The following UBE2U variants were observed in gnomAD, a reference collection of about 807,000 sequenced individuals.
UBE2U encodes ubiquitin-conjugating enzyme E2 U.
A neutral mutation model predicts 41.2 loss-of-function variants in UBE2U; 39 were observed. The ratio of observed to expected loss-of-function variants is 0.95; its 90% CI spans 0.73 to 1.24. UBE2U has a LOEUF of 1.24. Ranked by LOEUF, UBE2U falls within the 50% of genes most tolerant of loss-of-function variation. The pLI, the probability that UBE2U is intolerant of heterozygous loss-of-function variation, is 0.00. For synonymous variants in UBE2U, 107 were observed against 117.8 expected (o/e 0.91, Z 0.60); for missense variants, 336 against 363.1 (o/e 0.93, Z 0.61).
rs1651615420 is a variant in UBE2U at position 64,210,773 on chromosome 1, CT to C, written c.278del (p.Leu93TrpfsTer13). 4 of 1,604,580 alleles carry C rather than the reference CT, an allele frequency of 2.5e-6. No homozygotes were observed. Among genetic ancestry groups the C allele is most frequent in the African/African-American group, 1.3e-5 (1 of 74,644 alleles). ...CACACACTGGTCAGCCCTGTATAGA[CT>C]TTTTGGACAACCCTGAGAAGTGGAA... ...DPHTGQPCID[F>X]LDNPEKWNTN... On this transcript the variant is annotated frameshift_variant, in exon 4 of 10. Coordinates refer to ENST00000371077, the MANE Select transcript of UBE2U (RefSeq NM_001366232.2). LOFTEE classifies it high-confidence loss of function.
At chr1:64,225,641 G>A (rs980759834) in intron 6 of UBE2U, among the ~76,000 whole-genome samples, 1 of 152,322 alleles carries the variant, frequency 6.6e-6, no homozygotes, top group Non-Finnish European at 1.5e-5. Context: ...ATGGTGGTTC[G>A]GTCAAGGGTT....
intron 7 of UBE2U, among the ~76,000 whole-genome samples, chr1:64,239,998 T>C (rs938184502): frequency 1.3e-5 from 2 of 152,206 alleles, no homozygotes; most frequent in African/African-American, 4.8e-5. Flanking sequence ...AGTGTAAAAG[T>C]GTTCCTATTT....
At position 64,216,078 on chromosome 1, in the gene UBE2U, C is replaced by T. The variant is rs572719418; in HGVS notation, c.457+1146C>T. On this transcript the variant is annotated intron_variant, in intron 5 of 9. Coordinates refer to ENST00000371077, the MANE Select transcript of UBE2U (RefSeq NM_001366232.2). ...CTTTTTCTGTTTCCCTTCCAGGACT[C>T]CCAGTCCATTAGCTAGGTCTGTATA... is the stretch of plus-strand genomic sequence containing the variant. Among the ~76,000 whole-genome samples the T allele has an allele frequency of 9.8e-5, 15 of 152,324 alleles. 1 individual carries two copies. In the South Asian group the frequency reaches 3.1e-3, roughly 32 times the overall value.
At chr1:64,224,921 T>C (rs1334448040) in intron 6 of UBE2U, among the ~76,000 whole-genome samples, 1 of 142,022 alleles carries the variant, frequency 7.0e-6, no homozygotes, top group African/African-American at 2.8e-5. Context: ...TATAAAATAC[T>C]GTATAGGATA....
intron 2 of UBE2U, among the ~76,000 whole-genome samples, chr1:64,206,526 G>A (rs144964999): frequency 2.0e-5 from 3 of 151,564 alleles, no homozygotes; most frequent in African/African-American, 4.8e-5. Flanking sequence ...GGATGTTAGG[G>A]CGACAAAGGT....
intron 8 of UBE2U, among the ~76,000 whole-genome samples, chr1:64,243,122 A>G (rs1209894351): frequency 6.6e-6 from 1 of 152,184 alleles, no homozygotes; most frequent in Non-Finnish European, 1.5e-5. Flanking sequence ...TTACAGGTCA[A>G]ATTATCATGT....
rs1180767299 is a variant in UBE2U, at chr1:64,233,663, A to G, written c.595+1014A>G. ...CAATTATATCAATCTAAAAGGAAAA[A>G]TCATCTGTTACCATCATACATCAGG... On this transcript the variant is annotated intron_variant, in intron 7 of 9. Coordinates refer to ENST00000371077, the MANE Select transcript of UBE2U (RefSeq NM_001366232.2). Among the ~76,000 whole-genome samples the G allele has an allele frequency of 2.6e-5, 4 of 152,218 alleles. No homozygotes were observed. In the East Asian group the frequency reaches 7.7e-4, roughly 29 times the overall value.
intron 7 of UBE2U, among the ~76,000 whole-genome samples, chr1:64,238,568 C>T (rs939266790): frequency 2.0e-5 from 3 of 151,974 alleles, no homozygotes; most frequent in Admixed American, 2.0e-4. Context: ...GTATTAATAA[C>T]GTCTGTAAGA....
rs757844759 is a variant in UBE2U, at chr1:64,232,560, G to T, written c.507-1G>T. ...CGTCTGATTTTTATTTATATTTTCA[G>T]ACCAATTAAAACAACCTCATTTAGT... On this transcript the variant is annotated splice_acceptor_variant, in intron 6 of 9. Transcript: ENST00000371077. LOFTEE classifies it high-confidence loss of function. 1.3e-5 allele frequency: 21 copies of T among 1,607,912 alleles called. No individual in the cohort carries two copies. The South Asian group carries it at 2.3e-4, about 18-fold the overall frequency.
rs1399835129 is a variant in UBE2U at position 64,239,074 on chromosome 1, G to GGAA, written c.596-2575_596-2573dup. Among the ~76,000 whole-genome samples the GGAA allele has an allele frequency of 1.9e-3, 120 of 62,748 alleles. 2 individuals carry two copies. The East Asian group carries it at 0.032, about 17-fold the overall frequency. 41.2% of individuals were successfully genotyped at this position (62,748 alleles called of 152,430 possible). A position where few individuals can be genotyped will look rare whatever the true frequency, so the allele number is the denominator to read the frequency against. ...AAGAAGAAGAAGAAGAAGAGGAAGA[G>GGAA]GAAGAGGAAGAGGAAGAGGAAGAAG... On this transcript the variant is annotated intron_variant, in intron 7 of 9. Transcript: ENST00000371077.
At chr1:64,220,010 G>A (rs1157317911) in intron 5 of UBE2U, among the ~76,000 whole-genome samples, 1 of 151,866 alleles carries the variant, frequency 6.6e-6, no homozygotes, top group South Asian at 2.1e-4. Context: ...CTCTTTTTTT[G>A]TGGTTAGGAT....
At chr1:64,212,557 T>G (rs903817421) in intron 4 of UBE2U, among the ~76,000 whole-genome samples, 1 of 152,178 alleles carries the variant, frequency 6.6e-6, no homozygotes, top group Non-Finnish European at 1.5e-5. Context: ...TGTAAAGAAT[T>G]CGGAACTGTG....
At chr1:64,214,634 G>A (rs1034373758) in intron 4 of UBE2U, among the ~76,000 whole-genome samples, 181 bp from the exon 5 acceptor site, 1 of 152,128 alleles carries the variant, frequency 6.6e-6, no homozygotes, top group Non-Finnish European at 1.5e-5. Context: ...ACATTCATGA[G>A]CCTAAGGTTA....
At position 64,232,651 on chromosome 1, in the gene UBE2U, T is replaced by A. The variant is rs1245571448; in HGVS notation, c.595+2T>A. On this transcript the variant is annotated splice_donor_variant, in intron 7 of 9. Transcript: ENST00000371077. LOFTEE classifies it high-confidence loss of function. ...CCACAGAATACTACAGAACTCCATG[T>A]AAGGTGAACTATCCTTATCCTATGT... is the stretch of plus-strand genomic sequence containing the variant. 1 of 1,606,690 alleles carries A rather than the reference T, an allele frequency of 6.2e-7. No homozygotes were observed. The highest frequency in any genetic ancestry group is 2.2e-5 in the East Asian group (1 of 44,712).
intron 8 of UBE2U, among the ~76,000 whole-genome samples, chr1:64,251,987 T>C (rs775151881): frequency 6.6e-6 from 1 of 152,166 alleles, no homozygotes; most frequent in Non-Finnish European, 1.5e-5. Flanking sequence ...CTGAGTCTGC[T>C]TAAGACAGAA....
At chr1:64,228,552 G>C (rs1432644033) in intron 6 of UBE2U, among the ~76,000 whole-genome samples, 1 of 152,092 alleles carries the variant, frequency 6.6e-6, no homozygotes, top group Non-Finnish European at 1.5e-5. Context: ...TGTGGGGATG[G>C]ATAACAGAAG....
intron 8 of UBE2U, among the ~76,000 whole-genome samples, chr1:64,260,256 T>G (rs1383100459): frequency 6.6e-6 from 1 of 152,180 alleles, no homozygotes; most frequent in Non-Finnish European, 1.5e-5. Flanking sequence ...TCTGTTATTT[T>G]AAGTCACCAA....
At chr1:64,239,138 GAAGAAGAAGAAGAAGAAGAA>G (rs1644759349) in intron 7 of UBE2U, among the ~76,000 whole-genome samples, 1 of 29,790 alleles carries the variant, frequency 3.4e-5, no homozygotes, top group African/African-American at 1.9e-4. Context: ...AGAAGAAGAA[GAAGAAGAAGAAGAAGAAGAA>G]AGAAGAAGAA....
intron 8 of UBE2U, chr1:64,244,259 C>A: frequency 7.4e-7 from 1 of 1,344,132 alleles, no homozygotes; most frequent in Non-Finnish European, 9.7e-7. Flanking sequence ...CCTTACCTAT[C>A]TTGCAAAGTT....
Sources: gnomAD v4.1 joint callset for allele counts (sites outside exome capture counted in the v4.1 genomes callset) on GRCh38, gnomAD v4.1.1 for gene constraint, MANE v1.5 for transcripts, NCBI Gene and HGNC (gene_info 2026-07-23, HGNC 2026-07-21) for gene names.